The following GNG2 variants were observed in gnomAD, a reference collection of about 807,000 sequenced individuals.
GNG2 encodes the protein guanine nucleotide-binding protein G(I)/G(S)/G(O) subunit gamma-2.
GNG2 carries 5 observed loss-of-function variants against 5.5 expected under a neutral mutation model. That is an observed-to-expected ratio of 0.91 (90% CI 0.48 to 1.92). The LOEUF (loss-of-function observed/expected upper bound fraction) is 1.92. Ranked by LOEUF, GNG2 falls within the 30% of genes most tolerant of loss-of-function variation. The pLI is 0.01. For synonymous variants in GNG2, 28 were observed against 32.0 expected (o/e 0.88, Z 0.42); for missense variants, 55 against 88.4 (o/e 0.62, Z 1.52).
chr14:51,931,786 A>G (rs1048520980), intron 2 of GNG2, among the ~76,000 whole-genome samples: 1 of 152,218 alleles, frequency 6.6e-6, no homozygotes, highest in South Asian at 2.1e-4. Context: ...AGGTTCCTCA[A>G]AAAAGTTAAA....
chr14:51,938,759 C>T (rs1010135996), intron 2 of GNG2, among the ~76,000 whole-genome samples: 1 of 152,168 alleles, frequency 6.6e-6, no homozygotes, highest in Non-Finnish European at 1.5e-5. Flanking sequence ...ATCCTTTGTT[C>T]ACCAAAGGAT....
chr14:51,961,823 A>G (rs989018426), intron 3 of GNG2, among the ~76,000 whole-genome samples: 2 of 152,232 alleles, frequency 1.3e-5, no homozygotes, highest in African/African-American at 4.8e-5. Flanking sequence ...GATATTTGAG[A>G]GGGAAGAATG....
At chr14:51,964,000 T>G (rs957418222) in intron 3 of GNG2, among the ~76,000 whole-genome samples, 1 of 152,212 alleles carries the variant, frequency 6.6e-6, no homozygotes, top group African/African-American at 2.4e-5. Context: ...GTGGCCTTAC[T>G]TGGAAATAGG....
intron 3 of GNG2, among the ~76,000 whole-genome samples, chr14:51,966,262 G>A (rs895470698): frequency 2.8e-5 from 4 of 141,826 alleles, no homozygotes; most frequent in Middle Eastern, 4.1e-3. Context: ...AGCCACCTGC[G>A]GGGCTATGGA....
chr14:51,913,386 T>G (rs765347371), intron 2 of GNG2: 2 of 152,230 alleles, frequency 1.3e-5, no homozygotes. Context: ...TGGTGGCTTG[T>G]GCCTGTAGTC....
chr14:51,929,678 A>G (rs1406174452), intron 2 of GNG2, among the ~76,000 whole-genome samples: 2 of 152,184 alleles, frequency 1.3e-5, no homozygotes, highest in Non-Finnish European at 1.5e-5. Context: ...TTGATTTTTC[A>G]TGACATTACA....
At chr14:51,906,917 G>A (rs1251740368) in intron 2 of GNG2, among the ~76,000 whole-genome samples, 1 of 151,046 alleles carries the variant, frequency 6.6e-6, no homozygotes, top group South Asian at 2.1e-4. Context: ...CACCACACCC[G>A]GCTAATTTTT....
chr14:51,950,626 T>A (rs1275174504), intron 2 of GNG2, 24 bp from the exon 3 acceptor site: 2 of 1,376,438 alleles, frequency 1.5e-6, no homozygotes, highest in African/African-American at 2.9e-5. Flanking sequence ...TCTGGTACAA[T>A]CTTCTTTTTG....
chr14:51,879,293 CAG>C (rs926830758), intron 2 of GNG2, among the ~76,000 whole-genome samples: 55 of 152,242 alleles, frequency 3.6e-4, no homozygotes, highest in African/African-American at 1.3e-3. Context: ...TCTGTACTGT[CAG>C]GGGGATTTTG....
chr14:51,902,099 A>G (rs1008229731), intron 2 of GNG2, among the ~76,000 whole-genome samples: 2 of 151,930 alleles, frequency 1.3e-5, no homozygotes, highest in African/African-American at 4.8e-5. Context: ...GAAATTTTAA[A>G]TAGATTTTGA....
At position 51,966,833 on chromosome 14, in the gene GNG2, T is replaced by C; in HGVS notation, c.*146T>C. The C allele has an allele frequency of 6.2e-6, 4 of 649,606 alleles. No individual in the cohort carries two copies. The highest frequency in any genetic ancestry group is 1.1e-5 in the Non-Finnish European group (4 of 375,798). 40.2% of individuals were successfully genotyped at this position (649,606 alleles called of 1,614,324 possible). ...ACTCTAGGCTATGCATGTTTAAAGATCTGGTCCCCTTTATGAGAATGCAAG... is the reference window on the plus strand; with the variant it reads ...ACTCTAGGCTATGCATGTTTAAAGACCTGGTCCCCTTTATGAGAATGCAAG... On this transcript the variant is annotated 3_prime_UTR_variant, in exon 4 of 4. Transcript: ENST00000556766.
chr14:51,950,799 G>A (rs373428226), intron 3 of GNG2, 34 bp downstream of exon 3: 112 of 1,355,330 alleles, frequency 8.3e-5, no homozygotes, highest in South Asian at 1.8e-4. Flanking sequence ...TTCATCTAGC[G>A]TGAGTCTAAG....
upstream of GNG2, among the ~76,000 whole-genome samples, chr14:51,855,779 C>T (rs770839251): frequency 2.6e-5 from 4 of 152,074 alleles, no homozygotes; most frequent in Non-Finnish European, 5.9e-5. Flanking sequence ...GCTGATGGCT[C>T]CTTTCTGATA....
chr14:51,900,751 C>T (rs893592163), intron 2 of GNG2, among the ~76,000 whole-genome samples: 1 of 152,030 alleles, frequency 6.6e-6, no homozygotes, highest in African/African-American at 2.4e-5. Flanking sequence ...TCCTAAAGTT[C>T]TTTCCAGCTG....
chr14:51,886,519 C>A (rs1197412894), intron 2 of GNG2, among the ~76,000 whole-genome samples: 1 of 152,172 alleles, frequency 6.6e-6, no homozygotes, highest in Non-Finnish European at 1.5e-5. Flanking sequence ...CATCCTCAAA[C>A]TGGTTAATTT....
At position 51,951,971 on chromosome 14, in the gene GNG2, A is replaced by G. The variant is rs1594954511; in HGVS notation, c.87+1206A>G. On this transcript the variant is annotated intron_variant, in intron 3 of 3. Coordinates refer to ENST00000556766, the MANE Select transcript of GNG2 (RefSeq NM_053064.5). ...ACCCAGAGAGCTCTATAAAAGGACC[A>G]ATTACCGAACCACACCCAAACCAAT... 4 of 688,810 alleles carry G rather than the reference A, an allele frequency of 5.8e-6. No homozygotes were observed. The East Asian group carries it at 1.1e-4, about 19-fold the overall frequency. 42.7% of individuals were successfully genotyped at this position (688,810 alleles called of 1,614,324 possible). A position where few individuals can be genotyped will look rare whatever the true frequency, so the allele number is the denominator to read the frequency against.
At chr14:51,876,239 C>A (rs185264970) in intron 1 of GNG2, among the ~76,000 whole-genome samples, 2 of 151,820 alleles carry the variant, frequency 1.3e-5, no homozygotes, top group Non-Finnish European at 2.9e-5. Context: ...GCACCTGGCC[C>A]GTTTAAATTT....
intron 3 of GNG2, among the ~76,000 whole-genome samples, chr14:51,960,991 A>T (rs1440681983): frequency 6.6e-6 from 1 of 152,098 alleles, no homozygotes; most frequent in Admixed American, 6.6e-5. Context: ...CCCCTAGTGT[A>T]ATTCTTTCTT....
At chr14:51,876,720 G>A (rs997334356) in intron 1 of GNG2, among the ~76,000 whole-genome samples, 1 of 152,042 alleles carries the variant, frequency 6.6e-6, no homozygotes, top group Non-Finnish European at 1.5e-5. Context: ...TAATTGGTTG[G>A]GTTGAGATTG....
Sources: gnomAD v4.1 joint callset for allele counts (sites outside exome capture counted in the v4.1 genomes callset) on GRCh38, gnomAD v4.1.1 for gene constraint, MANE v1.5 for transcripts, NCBI Gene and HGNC (gene_info 2026-07-23, HGNC 2026-07-21) for gene names.